CHSY3: variants seen among roughly 807,000 people sequenced by gnomAD.
CHSY3 encodes the protein chondroitin sulfate synthase 3.
In CHSY3, 35 loss-of-function variants were observed where a neutral mutation model predicts 67.2. The ratio of observed to expected loss-of-function variants is 0.52; its 90% CI spans 0.40 to 0.69. CHSY3 has a LOEUF of 0.69. Ranked by LOEUF, CHSY3 falls within the 30% of genes least tolerant of loss-of-function variation. The pLI is 0.00. For synonymous variants in CHSY3, 474 were observed against 434.7 expected (o/e 1.09, Z -1.12); for missense variants, 1,069 against 1,138.5 (o/e 0.94, Z 0.88).
chr5:130,143,784 GTA>G (rs71000950), intron 2 of CHSY3, among the ~76,000 whole-genome samples: 13,719 of 73,376 alleles, frequency 0.19, 1,622 homozygotes, highest in African/African-American at 0.28. Context: ...ATATATATGT[GTA>G]TATATATATA....
intron 2 of CHSY3, among the ~76,000 whole-genome samples, chr5:129,958,885 G>A (rs548809504): frequency 6.6e-6 from 1 of 152,050 alleles, no homozygotes; most frequent in African/African-American, 2.4e-5. Flanking sequence ...TTTAGAGAGA[G>A]ATTATTTTTG....
intron 2 of CHSY3, among the ~76,000 whole-genome samples, chr5:130,133,399 C>A (rs1267971282): frequency 1.4e-4 from 22 of 152,086 alleles, no homozygotes; most frequent in Admixed American, 1.4e-3. Flanking sequence ...CTTTCATAAT[C>A]TTGAAATTAG....
intron 2 of CHSY3, among the ~76,000 whole-genome samples, chr5:129,930,609 G>C (rs1018884573): frequency 1.3e-5 from 2 of 151,814 alleles, no homozygotes; most frequent in Non-Finnish European, 2.9e-5. Context: ...GCCCTGAGGG[G>C]AGGACGGTCA....
intron 2 of CHSY3, among the ~76,000 whole-genome samples, chr5:129,995,557 G>T (rs183397652): frequency 2.0e-5 from 3 of 149,772 alleles, no homozygotes; most frequent in African/African-American, 7.4e-5. Flanking sequence ...TGCCCAGGCT[G>T]GAGTGCAGTG....
At chr5:130,171,759 T>C (rs917610015) in intron 2 of CHSY3, among the ~76,000 whole-genome samples, 1 of 152,204 alleles carries the variant, frequency 6.6e-6, no homozygotes, top group Non-Finnish European at 1.5e-5. Context: ...AGATTGTTAC[T>C]TGGATTTCAA....
At chr5:129,919,757 G>A (rs1023138997) in intron 2 of CHSY3, among the ~76,000 whole-genome samples, 5 of 152,122 alleles carry the variant, frequency 3.3e-5, no homozygotes, top group African/African-American at 1.2e-4. Flanking sequence ...AACCATATCA[G>A]TTGGCATTCT....
At chr5:130,103,702 C>G (rs767628725) in intron 2 of CHSY3, among the ~76,000 whole-genome samples, 1 of 151,924 alleles carries the variant, frequency 6.6e-6, no homozygotes, top group African/African-American at 2.4e-5. Context: ...AGCACATAAA[C>G]GTTTTACTAC....
intron 2 of CHSY3, among the ~76,000 whole-genome samples, chr5:130,027,043 G>A (rs1368095408): frequency 2.6e-5 from 4 of 152,032 alleles, no homozygotes; most frequent in Non-Finnish European, 5.9e-5. Context: ...TGCCCTTGCA[G>A]CCTCTAGGAA....
chr5:130,163,388 A>C (rs1769617736), intron 2 of CHSY3, among the ~76,000 whole-genome samples: 1 of 152,182 alleles, frequency 6.6e-6, no homozygotes, highest in Non-Finnish European at 1.5e-5. Context: ...ACATTTAAGC[A>C]GAAAGAGGAT....
At chr5:130,041,081 G>A (rs930266082) in intron 2 of CHSY3, among the ~76,000 whole-genome samples, 3 of 152,098 alleles carry the variant, frequency 2.0e-5, no homozygotes, top group African/African-American at 7.2e-5. Flanking sequence ...GCTGCTCTAA[G>A]TGTTGGCTGC....
At chr5:129,948,866 C>T (rs183946157) in intron 2 of CHSY3, among the ~76,000 whole-genome samples, 1 of 152,126 alleles carries the variant, frequency 6.6e-6, no homozygotes, top group East Asian at 1.9e-4. Context: ...TTATTATGGC[C>T]ATTCTTGCAG....
intron 2 of CHSY3, among the ~76,000 whole-genome samples, chr5:129,922,104 G>C (rs1760944415): frequency 6.6e-6 from 1 of 152,192 alleles, no homozygotes; most frequent in South Asian, 2.1e-4. Context: ...TCTGTATCTG[G>C]CTCATTTCAC....
intron 2 of CHSY3, among the ~76,000 whole-genome samples, chr5:130,131,133 A>G (rs986264644): frequency 6.6e-6 from 1 of 152,224 alleles, no homozygotes; most frequent in African/African-American, 2.4e-5. Flanking sequence ...ATTACATTAT[A>G]GAATATCTGC....
At chr5:129,930,276 T>A (rs1293523101) in intron 2 of CHSY3, among the ~76,000 whole-genome samples, 3 of 147,842 alleles carry the variant, frequency 2.0e-5, no homozygotes, top group African/African-American at 7.5e-5. Context: ...GAGGTTGCAG[T>A]GAGACAAGGT....
intron 2 of CHSY3, among the ~76,000 whole-genome samples, chr5:129,920,904 G>A (rs1314275101): frequency 6.6e-6 from 1 of 151,684 alleles, no homozygotes; most frequent in African/African-American, 2.4e-5. Context: ...CTGCAGCCTC[G>A]ACTTCCTGGG....
At chr5:129,996,750 G>C (rs1425036897) in intron 2 of CHSY3, among the ~76,000 whole-genome samples, 1 of 151,868 alleles carries the variant, frequency 6.6e-6, no homozygotes, top group Non-Finnish European at 1.5e-5. Context: ...TCAATACATA[G>C]TCACACACAC....
At chr5:130,140,260 A>G in intron 2 of CHSY3, 1 of 327,248 alleles carries the variant, frequency 3.1e-6, no homozygotes, top group South Asian at 5.7e-5. Flanking sequence ...GACTGGATGG[A>G]GATTTGAGGA....
chr5:130,023,432 A>C (rs983482651), intron 2 of CHSY3, among the ~76,000 whole-genome samples: 1 of 152,048 alleles, frequency 6.6e-6, no homozygotes, highest in Non-Finnish European at 1.5e-5. Flanking sequence ...CTTGCCTCAC[A>C]GTTAGTATTG....
intron 2 of CHSY3, among the ~76,000 whole-genome samples, chr5:130,154,751 T>C (rs1769323807): frequency 6.6e-6 from 1 of 152,170 alleles, no homozygotes; most frequent in African/African-American, 2.4e-5. Flanking sequence ...CTATTCAATA[T>C]TATATTGTAA....
Sources: gnomAD v4.1 joint callset for allele counts (sites outside exome capture counted in the v4.1 genomes callset) on GRCh38, gnomAD v4.1.1 for gene constraint, MANE v1.5 for transcripts, NCBI Gene and HGNC (gene_info 2026-07-23, HGNC 2026-07-21) for gene names.